POLQ: variants seen among roughly 807,000 people sequenced by gnomAD.
POLQ encodes DNA polymerase theta.
A neutral mutation model predicts 259.2 loss-of-function variants in POLQ; 233 were observed. The ratio of observed to expected loss-of-function variants is 0.90; its 90% confidence interval spans 0.81 to 1.00. The LOEUF is 1.00. Ranked by LOEUF, POLQ falls within the 50% of genes least tolerant of loss-of-function variation. The probability of loss-of-function intolerance (pLI) is 0.00; values close to 1 mark genes in which losing one functional copy is unlikely to be tolerated. For missense variants in POLQ, 2,871 were observed against 3,051.6 expected, an observed-to-expected ratio of 0.94 and a Z score of 1.39; for synonymous variants, 1,025 against 1,048.8, an observed-to-expected ratio of 0.98 and a Z score of 0.44.
At chr3:121,458,283 C>T (rs923402013) in intron 25 of POLQ, among the ~76,000 whole-genome samples, 1 of 151,740 alleles carries the variant, frequency 6.6e-6, no homozygotes, top group Non-Finnish European at 1.5e-5. Context: ...ATACCTAATG[C>T]TAAATGACGA....
intron 9 of POLQ, among the ~76,000 whole-genome samples, chr3:121,516,826 C>T (rs1396324297): frequency 6.6e-6 from 1 of 152,134 alleles, no homozygotes; most frequent in African/African-American, 2.4e-5. Flanking sequence ...CACTATATTC[C>T]TACATTCTTC....
chr3:121,488,972 T>C lies in POLQ; in HGVS notation c.3959A>G (p.Asp1320Gly). 6.2e-7 allele frequency: 1 copy of C among 1,613,794 alleles called. No homozygotes were observed. The highest frequency in any genetic ancestry group is 8.5e-7 in the Non-Finnish European group (1 of 1,179,682). Residue 1320 changes from aspartate (D) to glycine (G), a missense_variant, in exon 16 of 30, where the codon GAT becomes GGT. This residue lies in a region of POLQ where 2,080 missense variants were observed against 2,126.0 expected (regional missense o/e 0.98). Coordinates refer to ENST00000264233, the MANE Select transcript of POLQ (RefSeq NM_199420.4). ...TGACTGAGTATCCAGATAGAAACTA[T>C]CTTCAAAATCACAGAGGACTAAACC... is the stretch of plus-strand genomic sequence containing the variant. ...DLGLVLCDFEDSFYLDTQSEK... is the reference protein window; with the variant it reads ...DLGLVLCDFEGSFYLDTQSEK...
Position 121,510,115 on chromosome 3 carries a change from T to C in POLQ, c.1740A>G (p.Gly580=). ...GCCACATCACACAGGCCTCAATCGC[T>C]CCAAGCTGAACAGACTCTTGATTTC... The part of the protein sequence containing the change: ...IQRNQESVQL[G]AIEACVMWLL... Residue 580 remains glycine, a synonymous_variant, in exon 11 of 30, where the codon GGA becomes GGG. Transcript: ENST00000264233. 1.9e-6 allele frequency: 3 copies of C among 1,614,098 alleles called. No homozygotes were observed. The highest frequency in any genetic ancestry group is 2.5e-6 in the Non-Finnish European group (3 of 1,179,958).
intron 6 of POLQ, among the ~76,000 whole-genome samples, chr3:121,532,720 G>A (rs905353955): frequency 6.6e-6 from 1 of 151,768 alleles, no homozygotes; most frequent in African/African-American, 2.4e-5. Flanking sequence ...TTTTAGTAGC[G>A]ACAGGGTTTC....
intron 25 of POLQ, among the ~76,000 whole-genome samples, chr3:121,452,959 C>T (rs185042184): frequency 0.036 from 5,498 of 152,268 alleles, 148 homozygotes; most frequent in Middle Eastern, 0.082. Flanking sequence ...TGACCCTTGA[C>T]CCCCGAGCAG....
intron 26 of POLQ, among the ~76,000 whole-genome samples, chr3:121,446,667 G>A (rs1182940566): frequency 6.6e-6 from 1 of 151,976 alleles, no homozygotes; most frequent in Non-Finnish European, 1.5e-5. Context: ...GACTCAAAAG[G>A]AGTATTATAT....
intron 9 of POLQ, among the ~76,000 whole-genome samples, chr3:121,518,875 A>G (rs570912345): frequency 3.3e-5 from 5 of 152,110 alleles, no homozygotes; most frequent in Non-Finnish European, 7.4e-5. Flanking sequence ...AGGTTCTTCA[A>G]TGTTAGATGG....
At chr3:121,506,292 A>AAAACAG (rs1576420327) in intron 12 of POLQ, among the ~76,000 whole-genome samples, 2 of 152,042 alleles carry the variant, frequency 1.3e-5, no homozygotes, top group East Asian at 1.9e-4. Context: ...AACAAAAACA[A>AAAACAG]AAACAAAAAA....
intron 5 of POLQ, among the ~76,000 whole-genome samples, chr3:121,533,573 T>C (rs1380305432): frequency 1.3e-5 from 2 of 152,076 alleles, no homozygotes; most frequent in Non-Finnish European, 2.9e-5. Context: ...TGGAGTGCAA[T>C]GGACCTGTCT....
chr3:121,454,796 C>A (rs1175539670), intron 25 of POLQ, among the ~76,000 whole-genome samples: 2 of 152,098 alleles, frequency 1.3e-5, no homozygotes, highest in Non-Finnish European at 1.5e-5. Context: ...GACTTTAACA[C>A]CCCACTATCA....
At chr3:121,505,057 C>T (rs962536668) in intron 12 of POLQ, among the ~76,000 whole-genome samples, 3 of 152,150 alleles carry the variant, frequency 2.0e-5, no homozygotes, top group African/African-American at 7.2e-5. Flanking sequence ...TCATGAAGAC[C>T]GTTTCTTATG....
At chr3:121,512,178 C>T (rs2048260548) in intron 9 of POLQ, 149 bp from the exon 10 acceptor site, 1 of 640,166 alleles carries the variant, frequency 1.6e-6, no homozygotes, top group Non-Finnish European at 2.6e-6. Context: ...ATTTTTTGAA[C>T]TTTGGACAGA....
chr3:121,436,412 T>A, intron 27 of POLQ, 137 bp from the exon 28 acceptor site: 1 of 711,370 alleles, frequency 1.4e-6, no homozygotes, highest in Non-Finnish European at 2.4e-6. Flanking sequence ...GAACACCAAC[T>A]ATTAGGCTGC....
chr3:121,514,336 A>C (rs369943329), intron 9 of POLQ, among the ~76,000 whole-genome samples: 55 of 151,356 alleles, frequency 3.6e-4, no homozygotes, highest in African/African-American at 1.2e-3. Flanking sequence ...GTATTAAAAA[A>C]AAAAACAACA....
At chr3:121,450,978 T>G (rs1279691660) in intron 25 of POLQ, among the ~76,000 whole-genome samples, 1 of 151,994 alleles carries the variant, frequency 6.6e-6, no homozygotes, top group Non-Finnish European at 1.5e-5. Flanking sequence ...CTTGGAGGCT[T>G]TGTTCGTTTC....
Position 121,436,107 on chromosome 3 carries a change from C to T in POLQ, c.7543+15G>A, listed in dbSNP as rs753402986. 59 of 1,601,386 alleles carry T rather than the reference C, an allele frequency of 3.7e-5. No individual in the cohort carries two copies. In the East Asian group the frequency reaches 1.2e-3, roughly 33 times the overall value. On this transcript the variant is annotated intron_variant, in intron 28 of 29. Coordinates refer to ENST00000264233, the MANE Select transcript of POLQ (RefSeq NM_199420.4). ...TCTCATCATGTTACAGCACAGGCCT[C>T]ATCTATGAACAAACCTGTTTGGTCA...
chr3:121,466,143 A>G (rs2047833751), intron 24 of POLQ, among the ~76,000 whole-genome samples: 1 of 152,154 alleles, frequency 6.6e-6, no homozygotes, highest in African/African-American at 2.4e-5. Context: ...TGGATAAAAA[A>G]AATGAAACCA....
At chr3:121,453,824 A>T (rs891710875) in intron 25 of POLQ, among the ~76,000 whole-genome samples, 1 of 152,270 alleles carries the variant, frequency 6.6e-6, no homozygotes, top group Admixed American at 6.5e-5. Flanking sequence ...ATAATCCAGG[A>T]GAACTTCCCC....
chr3:121,495,844 G>C (rs1162646716), intron 14 of POLQ, among the ~76,000 whole-genome samples: 1 of 93,938 alleles, frequency 1.1e-5, no homozygotes, highest in African/African-American at 4.5e-5. Context: ...GCAAGACTCT[G>C]TCTCAAAAAA....
Sources: gnomAD v4.1 joint callset for allele counts (sites outside exome capture counted in the v4.1 genomes callset) on GRCh38, gnomAD v4.1.1 for gene constraint, gnomAD v4.1.1 regional missense constraint, MANE v1.5 for transcripts, NCBI Gene and HGNC (gene_info 2026-07-23, HGNC 2026-07-21) for gene names.